C3orf85: variants seen among roughly 807,000 people sequenced by gnomAD.
The protein encoded by C3orf85 is uncharacterized protein C3orf85.
In C3orf85, 1 loss-of-function variant was observed where a neutral mutation model predicts 1.7. The ratio of observed to expected loss-of-function variants is 0.60; its 90% confidence interval spans 0.21 to 2.86. The LOEUF is 2.86. Among genes scored for constraint, C3orf85 ranks in the 30% most tolerant of loss-of-function variants. The pLI, the probability that C3orf85 is intolerant of heterozygous loss-of-function variation, is 0.22. For missense variants in C3orf85, 29 were observed against 21.3 expected (o/e 1.36, Z -0.72); for synonymous variants, 17 against 8.0 (o/e 2.13, Z -1.90).
In C3orf85 at chr3:109,150,818, G is replaced by C. The variant is rs185255124; in HGVS notation, c.*924G>C. Among the ~76,000 whole-genome samples the C allele has an allele frequency of 7.2e-5, 11 of 152,020 alleles. No individual in the cohort carries two copies. The highest frequency in any genetic ancestry group is 5.9e-4 in the Admixed American group (9 of 15,262). On this transcript the variant is annotated 3_prime_UTR_variant, in exon 4 of 4. Transcript: ENST00000622536. ...TATTCTCTATTTTAGTTGTTCTCTC[G>C]AACAATTTATTTTTACCTTTTAAGG...
At chr3:109,141,204 C>G (rs1459616881) in intron 2 of C3orf85, among the ~76,000 whole-genome samples, 1 of 152,124 alleles carries the variant, frequency 6.6e-6, no homozygotes, top group Non-Finnish European at 1.5e-5. Context: ...CCATTCTGGT[C>G]TCAAACTCTT....
At chr3:109,147,508 T>C (rs576655488) in intron 2 of C3orf85, among the ~76,000 whole-genome samples, 3 of 152,344 alleles carry the variant, frequency 2.0e-5, no homozygotes, top group Middle Eastern at 3.4e-3. Context: ...TCCTTTGTAT[T>C]GGTTCGTTAT....
Position 109,148,241 on chromosome 3 carries a change from T to G in C3orf85, c.50-12T>G, listed in dbSNP as rs1484165960. 1 of 700,804 alleles carries G rather than the reference T, an allele frequency of 1.4e-6. No homozygotes were observed. The highest frequency in any genetic ancestry group is 1.7e-5 in the African/African-American group (1 of 57,148). 43.4% of individuals were successfully genotyped at this position (700,804 alleles called of 1,614,324 possible). ...TCTAAAAGATGCTGTGCTCTTGGACTCTAAATTGCAGGAGCATTGGGAGCG... is the reference window on the plus strand; with the variant it reads ...TCTAAAAGATGCTGTGCTCTTGGACGCTAAATTGCAGGAGCATTGGGAGCG... On this transcript the variant is annotated splice_polypyrimidine_tract_variant and intron_variant, in intron 2 of 3. Coordinates refer to ENST00000622536, the MANE Select transcript of C3orf85 (RefSeq NM_001351622.2).
chr3:109,149,022 T>A (rs1404778011), intron 3 of C3orf85: 1 of 152,218 alleles, frequency 6.6e-6, no homozygotes, highest in Admixed American at 6.5e-5. Context: ...TGGCCTTTTT[T>A]ATTCTATATT....
chr3:109,149,663 T>A (rs960629188), intron 3 of C3orf85, 142 bp from the exon 4 acceptor site: 3 of 387,738 alleles, frequency 7.7e-6, no homozygotes, highest in African/African-American at 6.2e-5. Context: ...ATTAAAAGTA[T>A]GAAAACCAAA....
rs1353156031 is a variant in C3orf85 at position 109,150,589 on chromosome 3, C to A, written c.*695C>A. On this transcript the variant is annotated 3_prime_UTR_variant, in exon 4 of 4. Transcript: ENST00000622536. ...ACAGTTTTGACTCACTGGCCAGGCA[C>A]ATTTTATAATTTTTTCAATTAAAAC... 1.3e-5 allele frequency: 2 copies of A among 152,116 alleles called. No individual in the cohort carries two copies. Among genetic ancestry groups the A allele is most frequent in the African/African-American group, 4.8e-5 (2 of 41,422 alleles). 9.4% of individuals were successfully genotyped at this position (152,116 alleles called of 1,614,324 possible).
chr3:109,149,808 C>T lies in C3orf85; in HGVS notation c.187C>T (p.Arg63Cys), dbSNP rs1706848090. The change falls in exon 4 of 4, where the codon CGT becomes TGT. Residue 63 changes from arginine to cysteine, a missense_variant. Transcript: ENST00000622536. The part of the protein sequence containing the change: ...VWVNTLAKQA[R>C]ETWIALKTTA... The stretch of plus-strand genomic sequence containing the variant: ...CTTGTGTTTCCTTTTCTTGAAGGCT[C>T]GTGAAACATGGATTGCTTTGAAAAC... 5 of 398,232 alleles carry T rather than the reference C, an allele frequency of 1.3e-5. No homozygotes were observed. Among genetic ancestry groups the T allele is most frequent in the Non-Finnish European group, 8.9e-6 (2 of 225,602 alleles). 24.7% of individuals were successfully genotyped at this position (398,232 alleles called of 1,614,324 possible).
intron 2 of C3orf85, among the ~76,000 whole-genome samples, chr3:109,144,634 T>C (rs769545342): frequency 6.6e-6 from 1 of 152,222 alleles, no homozygotes; most frequent in African/African-American, 2.4e-5. Flanking sequence ...TAAAGCATGC[T>C]TCTCTGCCAA....
At chr3:109,145,648 T>C (rs1706789957) in intron 2 of C3orf85, among the ~76,000 whole-genome samples, 1 of 152,214 alleles carries the variant, frequency 6.6e-6, no homozygotes, top group Non-Finnish European at 1.5e-5. Flanking sequence ...TATTTTACCA[T>C]AATACAAACA....
rs577938163 is a variant in C3orf85 at position 109,145,679 on chromosome 3, T to C, written c.50-2574T>C. 2.0e-5 allele frequency among the ~76,000 whole-genome samples: 3 copies of C among 152,368 alleles called. No individual in the cohort carries two copies. In the East Asian group the frequency reaches 5.8e-4, roughly 29 times the overall value. ...AAACAATTTTTTTAAAAAGTAAATC[T>C]GGTCCTTCCTATCATTTTCTTATTC... On this transcript the variant is annotated intron_variant, in intron 2 of 3. Transcript: ENST00000622536.
At chr3:109,148,725 CT>C in intron 3 of C3orf85, 1 of 262,108 alleles carries the variant, frequency 3.8e-6, no homozygotes, top group East Asian at 9.9e-5. Flanking sequence ...ACCTACCTAC[CT>C]AGACTATAAA....
rs1355110194 is a variant in C3orf85 at position 109,149,944 on chromosome 3, T to C, written c.*50T>C. On this transcript the variant is annotated 3_prime_UTR_variant, in exon 4 of 4. Coordinates refer to ENST00000622536, the MANE Select transcript of C3orf85 (RefSeq NM_001351622.2). ...AGGATGAAGATGGCAGAGGTTGGAA[T>C]GGCATTGTGCCAAAACCATGGGTTT... 5.0e-6 allele frequency: 2 copies of C among 397,550 alleles called. No homozygotes were observed. Among genetic ancestry groups the C allele is most frequent in the Non-Finnish European group, 8.9e-6 (2 of 225,074 alleles). 24.6% of individuals were successfully genotyped at this position (397,550 alleles called of 1,614,324 possible).
intron 2 of C3orf85, among the ~76,000 whole-genome samples, chr3:109,137,400 T>C (rs1559967993): frequency 6.6e-6 from 1 of 151,836 alleles, no homozygotes; most frequent in East Asian, 1.9e-4. Flanking sequence ...TCTATCAAAA[T>C]TGAACTGAGA....
rs2107838747 is a variant in C3orf85 at position 109,150,384 on chromosome 3, T to A, written c.*490T>A. On this transcript the variant is annotated 3_prime_UTR_variant, in exon 4 of 4. Transcript: ENST00000622536. ...AACCATGACTTTGAAACGTTTTTCA[T>A]CAAAGGTGTACTGCTGAGTGGAGAA... The A allele has an allele frequency of 6.6e-6, 1 of 152,318 alleles. No individual in the cohort carries two copies. The highest frequency in any genetic ancestry group is 1.5e-5 in the Non-Finnish European group (1 of 68,032). The allele number at this position is 152,318 out of a possible 1,614,324, so 9.4% of individuals were successfully genotyped here.
intron 2 of C3orf85, among the ~76,000 whole-genome samples, chr3:109,137,494 A>C (rs988570981): frequency 6.6e-6 from 1 of 151,810 alleles, no homozygotes; most frequent in African/African-American, 2.4e-5. Context: ...TATAATTTAT[A>C]AATATTTCTG....
At chr3:109,138,824 C>G (rs1706707706) in intron 2 of C3orf85, among the ~76,000 whole-genome samples, 1 of 152,040 alleles carries the variant, frequency 6.6e-6, no homozygotes, top group South Asian at 2.1e-4. Context: ...ATTAGAAGTT[C>G]AAGTGTTGTG....
intron 2 of C3orf85, among the ~76,000 whole-genome samples, chr3:109,146,699 A>T (rs1359567069): frequency 6.6e-6 from 1 of 152,198 alleles, no homozygotes; most frequent in Admixed American, 6.5e-5. Flanking sequence ...CAAGTGGTCC[A>T]AAAGAGGGGC....
At chr3:109,136,977 G>T in intron 2 of C3orf85, 81 bp downstream of exon 2, 1 of 400,194 alleles carries the variant, frequency 2.5e-6, no homozygotes, top group South Asian at 1.3e-4. Flanking sequence ...TTAAAGAAAT[G>T]AACAAACACG....
intron 2 of C3orf85, 22 bp from the exon 3 acceptor site, chr3:109,148,231 G>A: frequency 1.4e-6 from 1 of 699,086 alleles, no homozygotes; most frequent in South Asian, 1.5e-5. Flanking sequence ...AAGATGCTGT[G>A]CTCTTGGACT....
Sources: gnomAD v4.1 joint callset for allele counts (sites outside exome capture counted in the v4.1 genomes callset) on GRCh38, gnomAD v4.1.1 for gene constraint, MANE v1.5 for transcripts, NCBI Gene and HGNC (gene_info 2026-07-23, HGNC 2026-07-21) for gene names.